Variants in DYSF observed in about 807,000 individuals in gnomAD.
DYSF encodes the protein dystrophy-associated fer-1-like 1.
In DYSF, 212 loss-of-function variants were observed where a neutral mutation model predicts 274.9. That is an observed-to-expected ratio of 0.77 (90% confidence interval 0.69 to 0.86). The LOEUF is 0.86. Among genes scored for constraint, DYSF ranks in the 40% least tolerant of loss-of-function variants. The probability of loss-of-function intolerance (pLI) is 0.00; values close to 1 mark genes in which losing one functional copy is unlikely to be tolerated. For missense variants in DYSF, 2,666 were observed against 2,783.2 expected, an observed-to-expected ratio of 0.96 and a Z score of 0.95; for synonymous variants, 1,091 against 1,078.7, an observed-to-expected ratio of 1.01 and a Z score of -0.22.
At chr2:71,680,884 C>T (rs995720856) in intron 53 of DYSF, 117 bp from the exon 54 acceptor site, 3 of 832,294 alleles carry the variant, frequency 3.6e-6, no homozygotes, top group African/African-American at 1.7e-5. Context: ...GTTCAGAAAC[C>T]CTACATCTTT....
At chr2:71,528,938 C>G (rs1218791662) in intron 14 of DYSF, among the ~76,000 whole-genome samples, 1 of 152,064 alleles carries the variant, frequency 6.6e-6, no homozygotes, top group Non-Finnish European at 1.5e-5. Flanking sequence ...GCTGCCCACC[C>G]CCCAGTGTCT....
At chr2:71,469,667 CTG>C (rs2081828616) in intron 1 of DYSF, among the ~76,000 whole-genome samples, 2 of 152,300 alleles carry the variant, frequency 1.3e-5, no homozygotes, top group Admixed American at 1.3e-4. Flanking sequence ...AGGCTGGACT[CTG>C]AGGGCAATTT....
At chr2:71,506,073 C>A (rs190594833) in intron 4 of DYSF, among the ~76,000 whole-genome samples, 1 of 152,204 alleles carries the variant, frequency 6.6e-6, no homozygotes, top group African/African-American at 2.4e-5. Flanking sequence ...GTGAGGGCCA[C>A]GCACATATCA....
intron 48 of DYSF, 103 bp from the exon 49 acceptor site, chr2:71,668,650 TG>T: frequency 9.0e-7 from 1 of 1,116,150 alleles, no homozygotes; most frequent in Non-Finnish European, 1.3e-6. Context: ...TGGAAGGGCC[TG>T]GGTTTCTCTG....
chr2:71,568,401 C>T, intron 26 of DYSF, 63 bp downstream of exon 26: 1 of 1,591,632 alleles, frequency 6.3e-7, no homozygotes, highest in Non-Finnish European at 8.6e-7. Context: ...GGACTGCACC[C>T]TCCTTTTGGA....
chr2:71,581,578 A>G (rs1045379523), intron 30 of DYSF, among the ~76,000 whole-genome samples: 4 of 152,198 alleles, frequency 2.6e-5, no homozygotes, highest in Non-Finnish European at 5.9e-5. Flanking sequence ...GCATTCAACC[A>G]TCTGTAGCTC....
Position 71,574,264 on chromosome 2 carries a change from C to T in DYSF, c.3295C>T (p.Leu1099Phe), listed in dbSNP as rs770433229. 1 of 1,614,138 alleles carries T rather than the reference C, an allele frequency of 6.2e-7. No homozygotes were observed. Among genetic ancestry groups the T allele is most frequent in the Non-Finnish European group, 8.5e-7 (1 of 1,180,046 alleles). Residue 1099 changes from leucine to phenylalanine, a missense_variant, in exon 30 of 56, where the codon CTC becomes TTC. This residue lies in a region of DYSF where 1,460 missense variants were observed against 1,502.1 expected (regional missense o/e 0.97). Transcript: ENST00000410020. ...YASLFGWKFH[L>F]EYRKTDAFRR... ...CTCTCTTTTTGGCTGGAAGTTCCAC[C>T]TCGAGTACCGCAAGACAGATGCCTT...
intron 40 of DYSF, 51 bp downstream of exon 40, chr2:71,613,461 C>T (rs762234326): frequency 5.5e-6 from 8 of 1,449,944 alleles, no homozygotes; most frequent in Non-Finnish European, 7.7e-6. Context: ...CCCTCCATTC[C>T]TCATCAATTC....
intron 1 of DYSF, among the ~76,000 whole-genome samples, chr2:71,475,188 G>A (rs915767877): frequency 2.6e-5 from 4 of 152,244 alleles, no homozygotes; most frequent in South Asian, 2.1e-4. Flanking sequence ...CCCACATGGC[G>A]CCTCCTTTCT....
intron 41 of DYSF, among the ~76,000 whole-genome samples, chr2:71,638,062 G>A (rs1160093382): frequency 2.0e-5 from 3 of 151,962 alleles, no homozygotes; most frequent in Non-Finnish European, 4.4e-5. Flanking sequence ...GGGGAACTTG[G>A]GGAAAACAGT....
chr2:71,463,415 CAAACGGCT>C (rs952013021), upstream of DYSF, among the ~76,000 whole-genome samples: 9 of 152,188 alleles, frequency 5.9e-5, no homozygotes, highest in Admixed American at 1.3e-4. Context: ...GGGCCGCAGC[CAAACGGCT>C]GCAGCTGTGC....
chr2:71,560,416 G>GGCCCCAGCACAGGGCTCCGGCCCAGGCCC (rs1215820760), intron 22 of DYSF, among the ~76,000 whole-genome samples: 1 of 22,542 alleles, frequency 4.4e-5, no homozygotes, highest in Non-Finnish European at 1.1e-4. Context: ...TTCCCAGGCA[G>GGCCCCAGCACAGGGCTCCGGCCCAGGCCC]GCCCCCGCCC....
intron 36 of DYSF, among the ~76,000 whole-genome samples, chr2:71,608,918 T>A (rs117025172): frequency 6.6e-6 from 1 of 152,016 alleles, no homozygotes; most frequent in East Asian, 1.9e-4. Flanking sequence ...ATCCTGGGGC[T>A]GTTCCCTCCC....
At chr2:71,650,522 G>A (rs1182822595) in intron 42 of DYSF, among the ~76,000 whole-genome samples, 1 of 151,974 alleles carries the variant, frequency 6.6e-6, no homozygotes, top group Non-Finnish European at 1.5e-5. Context: ...AAAGGTCAGA[G>A]GATGTAGAAG....
chr2:71,607,376 T>C (rs2093666250), intron 36 of DYSF, among the ~76,000 whole-genome samples: 1 of 152,168 alleles, frequency 6.6e-6, no homozygotes, highest in Non-Finnish European at 1.5e-5. Context: ...AGGGGAAATT[T>C]ATCTCATGAG....
chr2:71,635,779 A>AG (rs2094393214), intron 41 of DYSF, among the ~76,000 whole-genome samples: 9 of 123,222 alleles, frequency 7.3e-5, no homozygotes, highest in Admixed American at 4.7e-4. Context: ...AGAAAAAAGA[A>AG]AAAGAAAAAA....
intron 40 of DYSF, among the ~76,000 whole-genome samples, chr2:71,620,036 A>G (rs1173831520): frequency 1.3e-5 from 2 of 152,196 alleles, no homozygotes; most frequent in African/African-American, 2.4e-5. Flanking sequence ...GGTTTTGGGG[A>G]AGACATATGA....
At chr2:71,612,888 T>A in intron 39 of DYSF, 82 bp downstream of exon 39, 2 of 1,485,740 alleles carry the variant, frequency 1.3e-6, no homozygotes, top group Non-Finnish European at 1.8e-6. Context: ...AGATGCATCC[T>A]GAAACCCTTC....
chr2:71,535,305 T>TA lies in DYSF; in HGVS notation c.1488dup (p.Asp497ArgfsTer9), dbSNP rs398123767. On this transcript the variant is annotated frameshift_variant, in exon 16 of 56. Transcript: ENST00000410020. LOFTEE classifies it high-confidence loss of function. ...TGCGAAAAAATGAGGATTCGTATCATAGACTGGTGAGTTCTGAGTCTTGGA... is the reference window on the plus strand; with the variant it reads ...TGCGAAAAAATGAGGATTCGTATCATAAGACTGGTGAGTTCTGAGTCTTGGA... The TA allele has an allele frequency of 5.6e-6, 9 of 1,614,190 alleles. No individual in the cohort carries two copies. The highest frequency in any genetic ancestry group is 6.8e-6 in the Non-Finnish European group (8 of 1,180,014).
Sources: gnomAD v4.1 joint callset for allele counts (sites outside exome capture counted in the v4.1 genomes callset) on GRCh38, gnomAD v4.1.1 for gene constraint, gnomAD v4.1.1 regional missense constraint, MANE v1.5 for transcripts, NCBI Gene and HGNC (gene_info 2026-07-23, HGNC 2026-07-21) for gene names.